SORCS2: variants seen among roughly 807,000 people sequenced by gnomAD.
The protein encoded by SORCS2 is sortilin related VPS10 domain containing receptor 2.
SORCS2 carries 100 observed loss-of-function variants against 141.6 expected under a neutral mutation model. That is an observed-to-expected ratio of 0.71 (90% CI 0.60 to 0.83). The LOEUF (loss-of-function observed/expected upper bound fraction) is 0.83. Ranked by LOEUF, SORCS2 falls within the 40% of genes least tolerant of loss-of-function variation. The probability of loss-of-function intolerance (pLI) is 0.00; values close to 1 mark genes in which losing one functional copy is unlikely to be tolerated. For synonymous variants in SORCS2, 789 were observed against 676.9 expected (o/e 1.17, Z -2.57); for missense variants, 1,646 against 1,560.2 (o/e 1.05, Z -0.93).
intron 1 of SORCS2, among the ~76,000 whole-genome samples, chr4:7,284,830 C>G (rs1205974149): frequency 6.6e-6 from 1 of 152,156 alleles, no homozygotes; most frequent in Admixed American, 6.5e-5. Flanking sequence ...CATGGCTGTG[C>G]TCCCTCTGAA....
At chr4:7,245,064 C>T (rs976315667) in intron 1 of SORCS2, among the ~76,000 whole-genome samples, 4 of 152,132 alleles carry the variant, frequency 2.6e-5, no homozygotes, top group Non-Finnish European at 5.9e-5. Flanking sequence ...TGGATGGGGC[C>T]GAGGGTCCTG....
chr4:7,265,162 C>T (rs557022245), intron 1 of SORCS2, among the ~76,000 whole-genome samples: 36 of 152,312 alleles, frequency 2.4e-4, no homozygotes, highest in Non-Finnish European at 4.7e-4. Context: ...AACAACAGAA[C>T]TTTATTCTCC....
At chr4:7,263,885 G>A (rs921373247) in intron 1 of SORCS2, among the ~76,000 whole-genome samples, 3 of 152,202 alleles carry the variant, frequency 2.0e-5, no homozygotes, top group African/African-American at 7.2e-5. Context: ...GGACCTTGGT[G>A]CGTCTCGTTC....
intron 1 of SORCS2, among the ~76,000 whole-genome samples, chr4:7,301,403 A>G (rs1717421334): frequency 1.3e-5 from 2 of 152,320 alleles, no homozygotes; most frequent in South Asian, 2.1e-4. Context: ...TGGCCAGGGC[A>G]CCTGTGTGCT....
intron 2 of SORCS2, among the ~76,000 whole-genome samples, chr4:7,518,746 T>C (rs1414937551): frequency 6.6e-6 from 1 of 152,144 alleles, no homozygotes; most frequent in African/African-American, 2.4e-5. Flanking sequence ...TCTCAGCCCA[T>C]GTGTACTCTC....
intron 14 of SORCS2, among the ~76,000 whole-genome samples, chr4:7,704,667 C>A (rs1350657986): frequency 1.3e-5 from 2 of 152,216 alleles, no homozygotes; most frequent in Non-Finnish European, 2.9e-5. Context: ...TTCTGCTCAG[C>A]CCCAGCTTGG....
chr4:7,455,058 GCTGTGTTGGGGTCAGC>G (rs1728794465), intron 2 of SORCS2, among the ~76,000 whole-genome samples: 3 of 90,004 alleles, frequency 3.3e-5, no homozygotes, highest in African/African-American at 8.3e-5. Context: ...GGGGTCAGAT[GCTGTGTTGGGGTCAGC>G]TGCTGTGTTG....
rs114803482 is a variant in SORCS2 at position 7,497,716 on chromosome 4, C to A, written c.549-33814C>A. On this transcript the variant is annotated intron_variant, in intron 2 of 26. Coordinates refer to ENST00000507866, the MANE Select transcript of SORCS2 (RefSeq NM_020777.3). ...AGGGAGGTAGGTGCTGTCATGGTCC[C>A]CACCGCACAGGTTGGGAAACGGAGG... Among the ~76,000 whole-genome samples, 1,094 of 152,352 alleles carry A rather than the reference C, an allele frequency of 7.2e-3. 4 individuals are homozygous for A. The highest frequency in any genetic ancestry group is 0.014 in the Middle Eastern group (4 of 294).
chr4:7,709,492 A>C (rs574394129), intron 14 of SORCS2, among the ~76,000 whole-genome samples: 2 of 152,162 alleles, frequency 1.3e-5, no homozygotes, highest in Non-Finnish European at 2.9e-5. Flanking sequence ...GTTATTTTTC[A>C]AGCAACAGAA....
intron 1 of SORCS2, among the ~76,000 whole-genome samples, chr4:7,335,078 A>T (rs1208824927): frequency 6.6e-6 from 1 of 152,094 alleles, no homozygotes; most frequent in African/African-American, 2.4e-5. Context: ...CACAGAGGGC[A>T]TCTGTGTCCC....
At chr4:7,208,179 C>T (rs1727855282) in intron 1 of SORCS2, among the ~76,000 whole-genome samples, 1 of 152,020 alleles carries the variant, frequency 6.6e-6, no homozygotes, top group Non-Finnish European at 1.5e-5. Flanking sequence ...GCCTCCTCAC[C>T]CCCTGGGACA....
Position 7,393,909 on chromosome 4 carries a change from C to G in SORCS2, c.481-2379C>G, listed in dbSNP as rs575416805. ...GCGTGGAACCCGGGTGGTCTGACCT[C>G]ACTTCAGGGTCCTTCTCCTTGATGA... On this transcript the variant is annotated intron_variant, in intron 1 of 26. Transcript: ENST00000507866. Among the ~76,000 whole-genome samples, 3 of 152,290 alleles carry G rather than the reference C, an allele frequency of 2.0e-5. No homozygotes were observed. The East Asian group carries it at 5.8e-4, about 29-fold the overall frequency.
Position 7,418,997 on chromosome 4 carries a change from C to T in SORCS2, c.548+22642C>T, listed in dbSNP as rs183141147. Among the ~76,000 whole-genome samples, 215 of 152,332 alleles carry T rather than the reference C, an allele frequency of 1.4e-3. 1 individual carries two copies. Among genetic ancestry groups the T allele is most frequent in the African/African-American group, 5.0e-3 (208 of 41,574 alleles). ...GCAGAGGTTCAAGAAAGAACGGCAGCACATAGGTCTCAAGGCATGGACTTG... is the reference window on the plus strand; with the variant it reads ...GCAGAGGTTCAAGAAAGAACGGCAGTACATAGGTCTCAAGGCATGGACTTG... On this transcript the variant is annotated intron_variant, in intron 2 of 26. Coordinates refer to ENST00000507866, the MANE Select transcript of SORCS2 (RefSeq NM_020777.3).
chr4:7,461,916 G>A (rs533597298), intron 2 of SORCS2, among the ~76,000 whole-genome samples: 9 of 101,590 alleles, frequency 8.9e-5, no homozygotes, highest in African/African-American at 3.7e-4. Context: ...GCAGGCTTCA[G>A]TGCCTCTGCT....
chr4:7,272,602 G>C (rs1715217455), intron 1 of SORCS2, among the ~76,000 whole-genome samples: 1 of 152,258 alleles, frequency 6.6e-6, no homozygotes, highest in Non-Finnish European at 1.5e-5. Flanking sequence ...CCTCAGAGGT[G>C]AGACCTTCCG....
intron 3 of SORCS2, among the ~76,000 whole-genome samples, chr4:7,539,505 A>C (rs1415128771): frequency 6.6e-6 from 1 of 152,136 alleles, no homozygotes; most frequent in East Asian, 1.9e-4. Flanking sequence ...TCTCCCACCC[A>C]TGTGTAGGGT....
At chr4:7,339,168 C>T (rs1051883429) in intron 1 of SORCS2, among the ~76,000 whole-genome samples, 7 of 152,172 alleles carry the variant, frequency 4.6e-5, no homozygotes, top group Admixed American at 1.3e-4. Context: ...AGAAAACCAG[C>T]CCATGGAGCG....
At chr4:7,614,587 CATCCACCCATCCACCT>C (rs1396135084) in intron 3 of SORCS2, among the ~76,000 whole-genome samples, 2 of 137,106 alleles carry the variant, frequency 1.5e-5, no homozygotes, top group African/African-American at 2.9e-5. Flanking sequence ...ATCATGAATC[CATCCACCCATCCACCT>C]ATCCACCTAT....
At chr4:7,384,069 C>T (rs1332044520) in intron 1 of SORCS2, among the ~76,000 whole-genome samples, 1 of 152,222 alleles carries the variant, frequency 6.6e-6, no homozygotes, top group African/African-American at 2.4e-5. Context: ...GGTTTCGTGC[C>T]TGTGAAGGTG....
Sources: allele counts gnomAD v4.1 joint callset (sites outside exome capture counted in the v4.1 genomes callset), GRCh38; gene constraint gnomAD v4.1.1; transcripts MANE v1.5; gene names NCBI Gene and HGNC (gene_info 2026-07-23, HGNC 2026-07-21).